The following KLC2 variants were observed in gnomAD, a reference collection of about 807,000 sequenced individuals.
KLC2 encodes the protein KLC 2.
In KLC2, 35 loss-of-function variants were observed where a neutral mutation model predicts 75.1. That is an observed-to-expected ratio of 0.47 (90% CI 0.36 to 0.62). The LOEUF is 0.62. Among genes scored for constraint, KLC2 ranks in the 20% least tolerant of loss-of-function variants. The probability of loss-of-function intolerance (pLI) is 0.00; values close to 1 mark genes in which losing one functional copy is unlikely to be tolerated. For synonymous variants in KLC2, 314 were observed against 336.7 expected (o/e 0.93, Z 0.74); for missense variants, 611 against 833.2 (o/e 0.73, Z 3.28).
At chr11:66,259,929 G>A (rs1417854173) in intron 2 of KLC2, 1 of 152,232 alleles carries the variant, frequency 6.6e-6, no homozygotes, top group South Asian at 2.1e-4. Flanking sequence ...AGAGGGCCTT[G>A]GTGGATCAGA....
chr11:66,254,934 A>T (rs1002433751), upstream of KLC2, among the ~76,000 whole-genome samples: 1 of 152,146 alleles, frequency 6.6e-6, no homozygotes, highest in African/African-American at 2.4e-5. Flanking sequence ...CAAAAAAAAA[A>T]AAGTCCCAAG....
intron 1 of KLC2, chr11:66,258,083 G>T (rs961117028): frequency 1.9e-5 from 3 of 156,394 alleles, no homozygotes; most frequent in African/African-American, 7.2e-5. Flanking sequence ...TAGGGGAGGG[G>T]TCGTCGTGGG....
Position 66,265,673 on chromosome 11 carries a change from C to T in KLC2, c.1353C>T (p.Thr451=). ...CKVDSPTVNT[T]LRSLGALYRR... ...TCCACAGCCCCACAGTCAACACCAC[C>T]CTGCGCAGCTTGGGGGCCCTATACC... The change falls in exon 12 of 16, where the codon ACC becomes ACT. Residue 451 remains threonine, a synonymous_variant. Coordinates refer to ENST00000394067, the MANE Select transcript of KLC2 (RefSeq NM_001318734.2). 1.2e-6 allele frequency: 2 copies of T among 1,613,588 alleles called. No homozygotes were observed. Among genetic ancestry groups the T allele is most frequent in the South Asian group, 1.1e-5 (1 of 90,994 alleles).
chr11:66,259,187 G>A (rs1856217265), intron 2 of KLC2, among the ~76,000 whole-genome samples: 1 of 152,198 alleles, frequency 6.6e-6, no homozygotes, highest in South Asian at 2.1e-4. Flanking sequence ...AGGGTGTTAG[G>A]TGGATACAGG....
At chr11:66,259,269 C>A (rs1358568010) in intron 2 of KLC2, among the ~76,000 whole-genome samples, 1 of 152,190 alleles carries the variant, frequency 6.6e-6, no homozygotes, top group Non-Finnish European at 1.5e-5. Flanking sequence ...TTGGTTGTTA[C>A]AAATTGTGAT....
At position 66,262,953 on chromosome 11, in the gene KLC2, G is replaced by A; in HGVS notation, c.669G>A (p.Gln223=). The A allele has an allele frequency of 1.2e-6, 2 of 1,614,032 alleles. No homozygotes were observed. The highest frequency in any genetic ancestry group is 1.3e-5 in the African/African-American group (1 of 75,004). ...RYEVAVPLCK[Q]ALEDLEKTSG... is the part of the protein sequence containing the mutation. ...AGGTAGCTGTGCCACTCTGCAAGCA[G>A]GCACTCGAAGACCTGGAGAAGACGT... The change falls in exon 5 of 16, where the codon CAG becomes CAA. Residue 223 remains glutamine (Q), a synonymous_variant. Transcript: ENST00000394067.
chr11:66,261,194 T>C (rs1208379589), intron 2 of KLC2: 2 of 152,890 alleles, frequency 1.3e-5, no homozygotes, highest in Non-Finnish European at 2.9e-5. Flanking sequence ...GCCAAGGCCT[T>C]TGGATACTTT....
the KLC2 span, among the ~76,000 whole-genome samples, chr11:66,248,791 G>A: frequency 6.6e-6 from 1 of 152,104 alleles, no homozygotes; most frequent in Admixed American, 6.5e-5. Flanking sequence ...GGAGTGCAGT[G>A]GTGCCAACCT....
the KLC2 span, among the ~76,000 whole-genome samples, chr11:66,250,634 A>G: frequency 1.3e-5 from 2 of 152,228 alleles, no homozygotes; most frequent in Non-Finnish European, 2.9e-5. Context: ...TGGTGCACAC[A>G]GGAGGGATGT....
At chr11:66,250,037 T>C in the KLC2 span, among the ~76,000 whole-genome samples, 1 of 152,018 alleles carries the variant, frequency 6.6e-6, no homozygotes, top group Admixed American at 6.6e-5. Flanking sequence ...CCCCCTGCCA[T>C]GCTCACCACC....
the KLC2 span, chr11:66,244,880 A>T: frequency 6.6e-6 from 1 of 152,260 alleles, no homozygotes; most frequent in Non-Finnish European, 1.5e-5. Context: ...TCAATCATGG[A>T]AACAGGCATG....
the KLC2 span, among the ~76,000 whole-genome samples, chr11:66,250,385 C>T: frequency 6.6e-6 from 1 of 152,200 alleles, no homozygotes; most frequent in Non-Finnish European, 1.5e-5. Context: ...GTCCAATGCA[C>T]ACATATCGGC....
intron 11 of KLC2, 61 bp downstream of exon 11, chr11:66,265,296 A>G (rs1590873117): frequency 7.0e-7 from 1 of 1,427,298 alleles, no homozygotes; most frequent in Admixed American, 1.7e-5. Flanking sequence ...CACATTCCAT[A>G]CTCTCACCCC....
upstream of KLC2, among the ~76,000 whole-genome samples, chr11:66,255,595 C>G (rs1856001108): frequency 6.6e-6 from 1 of 152,070 alleles, no homozygotes; most frequent in African/African-American, 2.4e-5. Context: ...GGAAAATTGA[C>G]CAGCTGAAAT....
chr11:66,256,745 G>C (rs186778731), upstream of KLC2, among the ~76,000 whole-genome samples: 75 of 152,300 alleles, frequency 4.9e-4, no homozygotes, highest in African/African-American at 1.7e-3. Context: ...AAAATAGAGG[G>C]TCTTCACTTG....
the KLC2 span, among the ~76,000 whole-genome samples, chr11:66,247,210 T>A: frequency 6.6e-6 from 1 of 152,214 alleles, no homozygotes; most frequent in Non-Finnish European, 1.5e-5. Context: ...CTACTGCGAT[T>A]ATCTCTTGTC....
At chr11:66,258,871 C>G (rs752773402) in intron 2 of KLC2, 49 bp downstream of exon 2, 5 of 1,311,480 alleles carry the variant, frequency 3.8e-6, no homozygotes, top group South Asian at 1.2e-5. Flanking sequence ...AGGGATCGAG[C>G]CTTCAAGAGG....
At chr11:66,265,388 C>T in intron 11 of KLC2, 153 bp downstream of exon 11, 2 of 735,062 alleles carry the variant, frequency 2.7e-6, no homozygotes, top group Middle Eastern at 3.9e-4. Context: ...TCTCCCAATT[C>T]TCAGCCTAAT....
the KLC2 span, among the ~76,000 whole-genome samples, chr11:66,249,141 C>T: frequency 1.3e-5 from 2 of 152,174 alleles, no homozygotes; most frequent in African/African-American, 4.8e-5. Context: ...TGTAGAATGT[C>T]CCTCAGTTGG....
Sources: allele counts gnomAD v4.1 joint callset (sites outside exome capture counted in the v4.1 genomes callset), GRCh38; gene constraint gnomAD v4.1.1; transcripts MANE v1.5; gene names NCBI Gene and HGNC (gene_info 2026-07-23, HGNC 2026-07-21).